PCDHGB6: variants seen among roughly 807,000 people sequenced by gnomAD.
PCDHGB6 encodes protocadherin gamma subfamily B, 6.
Under a neutral mutation model 59.1 loss-of-function variants are expected in PCDHGB6, and 51 were observed. The ratio of observed to expected loss-of-function variants is 0.86; its 90% CI spans 0.69 to 1.09. The LOEUF (loss-of-function observed/expected upper bound fraction) is 1.09. Ranked by LOEUF, PCDHGB6 falls within the 50% of genes least tolerant of loss-of-function variation. PCDHGB6 has a pLI of 0.00. For synonymous variants in PCDHGB6, 466 were observed against 495.1 expected, an observed-to-expected ratio of 0.94 and a Z score of 0.78; for missense variants, 1,148 against 1,205.1, an observed-to-expected ratio of 0.95 and a Z score of 0.70.
chr5:141,450,826 A>ATTTT (rs764729742), intron 1 of PCDHGB6, among the ~76,000 whole-genome samples: 5 of 134,360 alleles, frequency 3.7e-5, no homozygotes, highest in East Asian at 2.1e-4. Flanking sequence ...TATTATTATT[A>ATTTT]TTATTTTTTT....
intron 1 of PCDHGB6, chr5:141,427,255 G>C (rs1369151995): frequency 2.2e-6 from 1 of 456,746 alleles, no homozygotes; most frequent in Non-Finnish European, 4.4e-6. Flanking sequence ...GATGGTGGAG[G>C]CATGACCAGC....
At chr5:141,421,371 T>C in intron 1 of PCDHGB6, 2 of 1,614,028 alleles carry the variant, frequency 1.2e-6, no homozygotes, top group Non-Finnish European at 1.7e-6. Flanking sequence ...TCGTGGGCAA[T>C]ATCTCCAAGG....
chr5:141,427,467 T>TC, intron 1 of PCDHGB6: 1 of 508,052 alleles, frequency 2.0e-6, no homozygotes. Flanking sequence ...AATCGAATCT[T>TC]CCGCCAATAA....
chr5:141,428,159 G>A (rs1377084529), intron 1 of PCDHGB6: 1 of 1,571,752 alleles, frequency 6.4e-7, no homozygotes, highest in East Asian at 2.2e-5. Context: ...GAACCTGCTG[G>A]TTGCTGTGCG....
At chr5:141,415,772 T>TTTTTTA in intron 1 of PCDHGB6, 1 of 1,332,986 alleles carries the variant, frequency 7.5e-7, no homozygotes, top group Non-Finnish European at 9.6e-7. Flanking sequence ...TTTTTTTTTT[T>TTTTTTA]ACTTTCTGGT....
chr5:141,438,627 TATATATATACACAC>T (rs1407400493), intron 1 of PCDHGB6, among the ~76,000 whole-genome samples: 2,053 of 47,724 alleles, frequency 0.043, 22 homozygotes, highest in African/African-American at 0.13. Context: ...TATATATATA[TATATATATACACAC>T]ACACACACAC....
chr5:141,465,490 G>A (rs917234604), intron 1 of PCDHGB6, among the ~76,000 whole-genome samples: 9 of 152,170 alleles, frequency 5.9e-5, no homozygotes, highest in East Asian at 1.9e-4. Flanking sequence ...AGGAATGAGC[G>A]GGAGCATTGT....
rs61612330 is a variant in PCDHGB6 at position 141,454,796 on chromosome 5, A to ATTTTTTTTTTTTTTTTTTTTTTTTT, written c.2419-40006_2419-39982dup. ...AAGGAAATAATCCTCCATGGTTCTA[A>ATTTTTTTTTTTTTTTTTTTTTTTTT]TTTTTTTTTTTTTTTTTTTTTTTTT... On this transcript the variant is annotated intron_variant, in intron 1 of 3. Coordinates refer to ENST00000520790, the MANE Select transcript of PCDHGB6 (RefSeq NM_018926.3). Among the ~76,000 whole-genome samples, 7 of 77,408 alleles carry ATTTTTTTTTTTTTTTTTTTTTTTTT rather than the reference A, an allele frequency of 9.0e-5. 1 individual carries two copies. Among genetic ancestry groups the ATTTTTTTTTTTTTTTTTTTTTTTTT allele is most frequent in the East Asian group, 4.0e-4 (1 of 2,514 alleles). 50.8% of individuals were successfully genotyped at this position (77,408 alleles called of 152,430 possible). A position where few individuals can be genotyped will look rare whatever the true frequency, so the allele number is the denominator to read the frequency against.
intron 1 of PCDHGB6, among the ~76,000 whole-genome samples, chr5:141,462,363 G>C (rs1425898350): frequency 6.6e-6 from 1 of 152,132 alleles, no homozygotes; most frequent in Non-Finnish European, 1.5e-5. Context: ...ACATTGTATA[G>C]TTTCTATTCT....
chr5:141,451,148 G>A (rs536843411), intron 1 of PCDHGB6, among the ~76,000 whole-genome samples: 2 of 152,154 alleles, frequency 1.3e-5, no homozygotes, highest in East Asian at 3.9e-4. Flanking sequence ...ATTTAGACTA[G>A]ACATTTTTTT....
chr5:141,413,176 A>G lies in PCDHGB6; in HGVS notation c.2418+2556A>G, dbSNP rs758582296. 252 of 1,601,774 alleles carry G rather than the reference A, an allele frequency of 1.6e-4. 1 individual carries two copies. Among genetic ancestry groups the G allele is most frequent in the Non-Finnish European group, 2.1e-4 (243 of 1,173,006 alleles). Reference sequence around the variant, plus strand: ...TGCAGAATTCTGTAACCAGACTACAATGGCCGCTCAAAGGAATCGCTCAAA... The same window carrying G: ...TGCAGAATTCTGTAACCAGACTACAGTGGCCGCTCAAAGGAATCGCTCAAA... On this transcript the variant is annotated intron_variant, in intron 1 of 3. Coordinates refer to ENST00000520790, the MANE Select transcript of PCDHGB6 (RefSeq NM_018926.3).
At position 141,491,725 on chromosome 5, in the gene PCDHGB6, G is replaced by A. The variant is rs1008933711; in HGVS notation, c.2419-3082G>A. The A allele has an allele frequency of 6.2e-7, 1 of 1,606,496 alleles. No homozygotes were observed. The highest frequency in any genetic ancestry group is 1.3e-5 in the African/African-American group (1 of 74,728). On this transcript the variant is annotated intron_variant, in intron 1 of 3. Coordinates refer to ENST00000520790, the MANE Select transcript of PCDHGB6 (RefSeq NM_018926.3). The surrounding 1 kb of genome is among the most constrained non-coding windows in gnomAD (Gnocchi z 6.9). ...GGTGAGGGGCTCGGCGCCGCCCCGGGCGACCCCTGGGGGCGGCACTGGAGA... is the reference window on the plus strand; with the variant it reads ...GGTGAGGGGCTCGGCGCCGCCCCGGACGACCCCTGGGGGCGGCACTGGAGA...
intron 1 of PCDHGB6, among the ~76,000 whole-genome samples, chr5:141,452,416 C>T (rs2098741061): frequency 6.6e-6 from 1 of 152,144 alleles, no homozygotes; most frequent in African/African-American, 2.4e-5. Context: ...GAGGTATGCT[C>T]ACTGCTAATG....
intron 1 of PCDHGB6, chr5:141,423,606 GAT>G: frequency 6.2e-7 from 1 of 1,612,164 alleles, no homozygotes; most frequent in African/African-American, 1.3e-5. Flanking sequence ...AGCCACTCTT[GAT>G]AGCTGAAGAC....
At chr5:141,443,751 A>C (rs1372334547) in intron 1 of PCDHGB6, among the ~76,000 whole-genome samples, 3 of 152,230 alleles carry the variant, frequency 2.0e-5, no homozygotes, top group African/African-American at 7.2e-5. Context: ...GTGAATTGGA[A>C]GCTTACAATA....
In PCDHGB6 at chr5:141,476,948, G is replaced by T; in HGVS notation, c.2419-17859G>T. 6.2e-7 allele frequency: 1 copy of T among 1,614,180 alleles called. No individual in the cohort carries two copies. On this transcript the variant is annotated intron_variant, in intron 1 of 3. Transcript: ENST00000520790. The surrounding 1 kb of genome is among the most constrained non-coding windows in gnomAD (Gnocchi z 7.6). ...GGATCTGGATGAAGGCCCCAACGGTGAAATTATTTACTCCTTCGGCAGCCA... is the reference window on the plus strand; with the variant it reads ...GGATCTGGATGAAGGCCCCAACGGTTAAATTATTTACTCCTTCGGCAGCCA...
intron 1 of PCDHGB6, chr5:141,426,849 G>A (rs749455878): frequency 2.4e-5 from 11 of 456,660 alleles, no homozygotes; most frequent in South Asian, 1.7e-4. Flanking sequence ...AGGCAAGAAC[G>A]CTCCAGAATT....
In PCDHGB6 at chr5:141,408,464, A is replaced by C. The variant is rs764186219; in HGVS notation, c.262A>C (p.Asn88His). Reference sequence around the variant, plus strand: ...GGAGAGCGGGGACTTACTTGTGAAGAACCGAATAGACCGTGAGCAAATATG... The same window carrying C: ...GGAGAGCGGGGACTTACTTGTGAAGCACCGAATAGACCGTGAGCAAATATG... ...DAESGDLLVK[N>H]RIDREQICKE... Residue 88 changes from asparagine (N) to histidine (H), a missense_variant, in exon 1 of 4, where the codon AAC becomes CAC. Asn to His is a moderately conservative substitution (Grantham distance 68, BLOSUM62 1). Around this residue, in one of 5 missense-constraint regions of PCDHGB6, gnomAD observed 307 missense variants for 323.8 expected, o/e 0.95. Transcript: ENST00000520790. 6.2e-7 allele frequency: 1 copy of C among 1,613,934 alleles called. No individual in the cohort carries two copies. Among genetic ancestry groups the C allele is most frequent in the South Asian group, 1.1e-5 (1 of 91,024 alleles).
chr5:141,426,704 A>C, intron 1 of PCDHGB6: 1 of 440,322 alleles, frequency 2.3e-6, no homozygotes, highest in South Asian at 1.6e-5. Context: ...TTGTTTTACA[A>C]ATCAATGAAC....
Sources: gnomAD v4.1 joint callset for allele counts (sites outside exome capture counted in the v4.1 genomes callset) on GRCh38, gnomAD v4.1.1 for gene constraint, gnomAD v4.1.1 regional missense constraint, Gnocchi (gnomAD v3.1) non-coding constraint, MANE v1.5 for transcripts, NCBI Gene and HGNC (gene_info 2026-07-23, HGNC 2026-07-21) for gene names.